Variants in CFAP74 observed in about 807,000 individuals in gnomAD.
CFAP74 encodes cilia- and flagella-associated protein 74.
CFAP74 carries 124 observed loss-of-function variants against 188.9 expected under a neutral mutation model. The observed-to-expected ratio is 0.66, with a 90% CI of 0.57 to 0.76. CFAP74 has a LOEUF of 0.76. Ranked by LOEUF, CFAP74 falls within the 30% of genes least tolerant of loss-of-function variation. The probability of loss-of-function intolerance (pLI) is 0.00; values close to 1 mark genes in which losing one functional copy is unlikely to be tolerated. For missense variants in CFAP74, 2,198 were observed against 2,165.2 expected, an observed-to-expected ratio of 1.02 and a Z score of -0.30; for synonymous variants, 956 against 916.7, an observed-to-expected ratio of 1.04 and a Z score of -0.77.
Position 1,934,309 on chromosome 1 carries a change from T to TGTATACGTGGGTGTTAGGTTGTAG in CFAP74, c.3012-3974_3012-3973insCTACAACCTAACACCCACGTATAC, listed in dbSNP as rs1652651107. ...GGGTGTTAGGTTGTAGGTACACAGG[T>TGTATACGTGGGTGTTAGGTTGTAG]GTACACGTGGGTGTTAGGTTGTAGG... On this transcript the variant is annotated intron_variant, in intron 25 of 38. Transcript: ENST00000682832. Among the ~76,000 whole-genome samples, 9 of 141,188 alleles carry TGTATACGTGGGTGTTAGGTTGTAG rather than the reference T, an allele frequency of 6.4e-5. 1 individual carries two copies. Among genetic ancestry groups the TGTATACGTGGGTGTTAGGTTGTAG allele is most frequent in the Admixed American group, 1.4e-4 (2 of 14,278 alleles). 92.6% of individuals were successfully genotyped at this position (141,188 alleles called of 152,430 possible).
At chr1:1,937,028 G>A (rs1332160162) in intron 25 of CFAP74, among the ~76,000 whole-genome samples, 1 of 152,210 alleles carries the variant, frequency 6.6e-6, no homozygotes, top group African/African-American at 2.4e-5. Context: ...AATGAGGAGT[G>A]GAATTTGTGT....
chr1:1,976,289 G>A (rs1026584762), intron 6 of CFAP74, among the ~76,000 whole-genome samples: 3 of 152,182 alleles, frequency 2.0e-5, no homozygotes, highest in Non-Finnish European at 2.9e-5. Context: ...GGAGGTGTTG[G>A]GGTCGTGGGG....
At chr1:1,946,287 T>C (rs1056502665) in intron 20 of CFAP74, 30 bp downstream of exon 20, 19 of 1,517,812 alleles carry the variant, frequency 1.3e-5, no homozygotes, top group Non-Finnish European at 1.7e-5. Context: ...GGCCAGGGTG[T>C]GTGCGTGGCG....
chr1:1,937,633 C>T lies in CFAP74; in HGVS notation c.3011+1222G>A, dbSNP rs60247598. On this transcript the variant is annotated intron_variant, in intron 25 of 38. Coordinates refer to ENST00000682832, the MANE Select transcript of CFAP74 (RefSeq NM_001304360.2). ...CGGACCACAGACCCGGCTGTGACTG[C>T]CCCCCAGTGTCTTGGCCTCTGCCCC... 2.1e-3 allele frequency among the ~76,000 whole-genome samples: 319 copies of T among 152,250 alleles called. 1 individual carries two copies. The highest frequency in any genetic ancestry group is 7.3e-3 in the African/African-American group (305 of 41,538).
At position 1,929,916 on chromosome 1, in the gene CFAP74, G is replaced by C. The variant is rs549194185; in HGVS notation, c.3288+144C>G. On this transcript the variant is annotated intron_variant, in intron 26 of 38. Transcript: ENST00000682832. Reference sequence around the variant, plus strand: ...ATGGATCCTTCCTCGGCCCTGCTCGGGTCTGAGGGTCAGGTTCACTCCCGC... The same window carrying C: ...ATGGATCCTTCCTCGGCCCTGCTCGCGTCTGAGGGTCAGGTTCACTCCCGC... The C allele has an allele frequency of 7.3e-6, 7 of 961,896 alleles. No individual in the cohort carries two copies. In the South Asian group the frequency reaches 1.1e-4, roughly 15 times the overall value. 59.6% of individuals were successfully genotyped at this position (961,896 alleles called of 1,614,324 possible).
Position 1,925,896 on chromosome 1 carries a change from T to C in CFAP74, c.3991A>G (p.Thr1331Ala), listed in dbSNP as rs1202334069. Residue 1331 changes from threonine (T) to alanine (A), a missense_variant, in exon 33 of 39, where the codon ACC becomes GCC. Coordinates refer to ENST00000682832, the MANE Select transcript of CFAP74 (RefSeq NM_001304360.2). ...LDIITKRGTL[T>A]LTLMGTGVAS... ...ACGCCAGTGCCCATGAGGGTGAGGG[T>C]GAGCGTGCCTCTCTTGGTGATGATG... The C allele has an allele frequency of 6.2e-7, 1 of 1,612,290 alleles. No individual in the cohort carries two copies. The highest frequency in any genetic ancestry group is 2.2e-5 in the East Asian group (1 of 44,880).
rs746328443 is a variant in CFAP74 at position 1,959,126 on chromosome 1, T to G, written c.1845A>C (p.Lys615Asn). The G allele has an allele frequency of 6.2e-7, 1 of 1,610,570 alleles. No homozygotes were observed. The highest frequency in any genetic ancestry group is 2.2e-5 in the East Asian group (1 of 44,836). The change falls in exon 16 of 39, where the codon AAA becomes AAC. Residue 615 changes from lysine to asparagine, a missense_variant. Coordinates refer to ENST00000682832, the MANE Select transcript of CFAP74 (RefSeq NM_001304360.2). Reference protein sequence around the residue: ...FSVPLKCSTKKCSLSLDKELI... With the variant: ...FSVPLKCSTKNCSLSLDKELI... ...CGGACACCTTTGAACTCACCGAACATTTCTTTGTTGAACATTTCAGTGGAA... is the reference window on the plus strand; with the variant it reads ...CGGACACCTTTGAACTCACCGAACAGTTCTTTGTTGAACATTTCAGTGGAA...
At position 1,973,016 on chromosome 1, in the gene CFAP74, G is replaced by A. The variant is rs1242525314; in HGVS notation, c.706C>T (p.Leu236Phe). Residue 236 changes from leucine to phenylalanine, a missense_variant, in exon 8 of 39, where the codon CTC becomes TTC. Transcript: ENST00000682832. The surrounding 1 kb of genome is among the most constrained non-coding windows in gnomAD (Gnocchi z 6.2). ...TCCTCCAGCAGCTTCTGGTGCCTGA[G>A]CCCGAGCTCCTTCTGGGTGTTCAGG... ...KSLNTQKELG[L>F]RHQKLLEDAR... The A allele has an allele frequency of 5.0e-6, 8 of 1,613,990 alleles. No homozygotes were observed. Among genetic ancestry groups the A allele is most frequent in the Admixed American group, 1.7e-5 (1 of 60,012 alleles).
intron 6 of CFAP74, among the ~76,000 whole-genome samples, chr1:1,982,978 C>A (rs1657002716): frequency 6.6e-6 from 1 of 152,252 alleles, no homozygotes; most frequent in Non-Finnish European, 1.5e-5. Flanking sequence ...GAGCCTCTCA[C>A]TGTGCCCGAA....
chr1:1,991,836 G>C (rs571295425), intron 1 of CFAP74, among the ~76,000 whole-genome samples: 3 of 152,016 alleles, frequency 2.0e-5, no homozygotes, highest in South Asian at 4.2e-4. Context: ...TCAGGAGATC[G>C]AGACTATCCT....
chr1:1,967,693 G>C (rs1470407242), intron 11 of CFAP74, among the ~76,000 whole-genome samples: 1 of 152,160 alleles, frequency 6.6e-6, no homozygotes, highest in Non-Finnish European at 1.5e-5. Flanking sequence ...GCAGGGCATC[G>C]GTTGCAGCAG....
intron 21 of CFAP74, among the ~76,000 whole-genome samples, chr1:1,943,383 T>C (rs1419263360): frequency 6.6e-6 from 1 of 151,326 alleles, no homozygotes; most frequent in Non-Finnish European, 1.5e-5. Flanking sequence ...CCCACAGGAG[T>C]CCGACAGCAG....
chr1:1,971,363 ACACACACGGT>A (rs1656048397), intron 9 of CFAP74, among the ~76,000 whole-genome samples: 1 of 144,244 alleles, frequency 6.9e-6, no homozygotes, highest in South Asian at 2.1e-4. Flanking sequence ...GCACACCTGC[ACACACACGGT>A]CACACATGCA....
At chr1:1,983,824 G>T (rs1657058146) in intron 6 of CFAP74, 1 of 152,122 alleles carries the variant, frequency 6.6e-6, no homozygotes, top group African/African-American at 2.4e-5. Context: ...GAGTAGCTGG[G>T]ACTACAGGCG....
At position 1,946,902 on chromosome 1, in the gene CFAP74, G is replaced by A. The variant is rs572826318; in HGVS notation, c.2241+88C>T. 5 of 1,037,968 alleles carry A rather than the reference G, an allele frequency of 4.8e-6. No homozygotes were observed. In the East Asian group the frequency reaches 7.8e-5, roughly 16 times the overall value. 64.3% of individuals were successfully genotyped at this position (1,037,968 alleles called of 1,614,324 possible). On this transcript the variant is annotated intron_variant, in intron 19 of 38. Transcript: ENST00000682832. ...ACGCAAGGGCCACCTAGCAGTGAGG[G>A]CCAGTGGGTTGGGGTGCAGCTGGGG...
At chr1:1,976,306 C>T (rs2102087084) in intron 6 of CFAP74, among the ~76,000 whole-genome samples, 1 of 152,290 alleles carries the variant, frequency 6.6e-6, no homozygotes, top group Admixed American at 6.5e-5. Flanking sequence ...GGGGCGGCTC[C>T]CTCATGAACG....
rs185378944 is a variant in CFAP74, at chr1:1,956,041, C to T, written c.2017-191G>A. 1.7e-3 allele frequency among the ~76,000 whole-genome samples: 256 copies of T among 152,268 alleles called. 6 individuals carry two copies. The highest frequency in any genetic ancestry group is 0.015 in the Admixed American group (229 of 15,306). On this transcript the variant is annotated intron_variant, in intron 17 of 38. Coordinates refer to ENST00000682832, the MANE Select transcript of CFAP74 (RefSeq NM_001304360.2). ...GTTGTGGGATCACAGCAGCAGCTCA[C>T]CCAGAGACTCAGAGTCACCCCTCAG...
chr1:1,938,723 G>T, intron 25 of CFAP74, 132 bp downstream of exon 25: 1 of 1,091,960 alleles, frequency 9.2e-7, no homozygotes, highest in Non-Finnish European at 1.3e-6. Flanking sequence ...GGCCGGCAGT[G>T]CTGCCCAGCC....
chr1:1,928,644 G>A (rs1197010491), intron 27 of CFAP74, 140 bp downstream of exon 27: 8 of 621,386 alleles, frequency 1.3e-5, no homozygotes, highest in East Asian at 5.6e-5. Context: ...GATACAGCTC[G>A]ACACGTGCAT....
Sources: allele counts gnomAD v4.1 joint callset (sites outside exome capture counted in the v4.1 genomes callset), GRCh38; gene constraint gnomAD v4.1.1; non-coding constraint Gnocchi (gnomAD v3.1); transcripts MANE v1.5; gene names NCBI Gene and HGNC (gene_info 2026-07-23, HGNC 2026-07-21).